The following ANO1 variants were observed in gnomAD, a reference collection of about 807,000 sequenced individuals.
The protein encoded by ANO1 is anoctamin-1.
Under a neutral mutation model 124.0 loss-of-function variants are expected in ANO1, and 59 were observed. That is an observed-to-expected ratio of 0.48 (90% CI 0.39 to 0.59). ANO1 has a LOEUF of 0.59. Ranked by LOEUF, ANO1 falls within the 20% of genes least tolerant of loss-of-function variation. ANO1 has a pLI of 0.00. For synonymous variants in ANO1, 529 were observed against 532.0 expected (o/e 0.99, Z 0.08); for missense variants, 1,059 against 1,328.0 (o/e 0.80, Z 3.15).
intron 11 of ANO1, among the ~76,000 whole-genome samples, chr11:70,136,021 C>T (rs2046943189): frequency 6.6e-6 from 1 of 152,250 alleles, no homozygotes; most frequent in South Asian, 2.1e-4. Context: ...CCCCCCAGAC[C>T]TCCCTCCTTC....
intron 1 of ANO1, among the ~76,000 whole-genome samples, chr11:70,013,003 A>G (rs1393575357): frequency 6.6e-6 from 1 of 152,224 alleles, no homozygotes; most frequent in Non-Finnish European, 1.5e-5. Context: ...AGAGGGGCGC[A>G]ATGAAGGAAA....
intron 1 of ANO1, among the ~76,000 whole-genome samples, chr11:70,018,963 A>T (rs1429349413): frequency 6.6e-5 from 10 of 152,230 alleles, no homozygotes; most frequent in Admixed American, 2.0e-4. Flanking sequence ...ACACACAGTT[A>T]GAGTCCATGG....
chr11:70,125,027 C>T (rs7105606), intron 9 of ANO1, among the ~76,000 whole-genome samples: 25,057 of 152,218 alleles, frequency 0.16, 2,197 homozygotes, highest in Admixed American at 0.25. Flanking sequence ...CACGGAAAAG[C>T]GCCCACCTTC....
intron 1 of ANO1, among the ~76,000 whole-genome samples, chr11:70,067,334 T>G (rs1371794066): frequency 4.0e-5 from 6 of 149,170 alleles, no homozygotes; most frequent in Admixed American, 1.3e-4. Context: ...TTTTTTTTTT[T>G]TTTTTTTTTT....
At chr11:70,035,356 G>A (rs960102089) in intron 1 of ANO1, among the ~76,000 whole-genome samples, 15 of 152,086 alleles carry the variant, frequency 9.9e-5, no homozygotes, top group Admixed American at 2.6e-4. Flanking sequence ...CTGCGCTGGC[G>A]AACTTTTCAC....
chr11:70,085,529 G>T, intron 1 of ANO1: 1 of 1,536,096 alleles, frequency 6.5e-7, no homozygotes, highest in Non-Finnish European at 8.7e-7. Flanking sequence ...ATGCTGACCA[G>T]GCCCTCCCAG....
upstream of ANO1, among the ~76,000 whole-genome samples, chr11:70,077,360 A>G (rs760452288): frequency 6.6e-6 from 1 of 152,174 alleles, no homozygotes; most frequent in African/African-American, 2.4e-5. Context: ...AGGAGGTGCT[A>G]TCTGATGCAC....
chr11:70,101,945 C>A, intron 2 of ANO1, among the ~76,000 whole-genome samples: 1 of 152,200 alleles, frequency 6.6e-6, no homozygotes, highest in Non-Finnish European at 1.5e-5. Context: ...CAGGGAGACT[C>A]GGCACTGTTT....
chr11:70,113,881 C>T (rs1171576080), intron 7 of ANO1, among the ~76,000 whole-genome samples: 1 of 152,144 alleles, frequency 6.6e-6, no homozygotes, highest in Non-Finnish European at 1.5e-5. Flanking sequence ...TTTGGAGGAG[C>T]TGGGGCCAAA....
chr11:70,054,437 A>C (rs1555006605), intron 1 of ANO1, among the ~76,000 whole-genome samples: 1 of 152,204 alleles, frequency 6.6e-6, no homozygotes, highest in Non-Finnish European at 1.5e-5. Context: ...CAGGGTAGTG[A>C]AAGTGGGTGG....
At chr11:70,168,604 A>G (rs2048341527) in intron 21 of ANO1, among the ~76,000 whole-genome samples, 1 of 152,134 alleles carries the variant, frequency 6.6e-6, no homozygotes. Flanking sequence ...TGAATGGATG[A>G]ACAAAGGCAG....
intron 1 of ANO1, among the ~76,000 whole-genome samples, chr11:70,066,630 G>A (rs950936850): frequency 4.0e-5 from 5 of 124,662 alleles, no homozygotes; most frequent in Admixed American, 9.8e-5. Flanking sequence ...ATTTGGTGGC[G>A]GGGGCGGGGT....
chr11:70,113,913 G>A (rs1465448719), intron 7 of ANO1, among the ~76,000 whole-genome samples: 2 of 152,100 alleles, frequency 1.3e-5, no homozygotes, highest in Non-Finnish European at 2.9e-5. Flanking sequence ...GTGACACTCT[G>A]CAACTCCAGT....
chr11:69,987,731 A>G (rs1554997027), intron 1 of ANO1, among the ~76,000 whole-genome samples: 3 of 151,778 alleles, frequency 2.0e-5, no homozygotes, highest in African/African-American at 7.3e-5. Flanking sequence ...TGCTTCTAGG[A>G]CATCTTGAGG....
intron 1 of ANO1, among the ~76,000 whole-genome samples, chr11:70,082,055 C>T (rs1039980757): frequency 2.0e-5 from 3 of 152,326 alleles, no homozygotes; most frequent in East Asian, 1.9e-4. Context: ...ATGTCTTTGT[C>T]GGCATCTCAC....
chr11:69,966,512 G>C, the ANO1 span, among the ~76,000 whole-genome samples: 1 of 152,220 alleles, frequency 6.6e-6, no homozygotes, highest in African/African-American at 2.4e-5. Flanking sequence ...CTGCGTCGCC[G>C]GGTGGGGTGG....
chr11:70,148,706 T>G (rs999416757), intron 11 of ANO1, among the ~76,000 whole-genome samples: 1 of 152,210 alleles, frequency 6.6e-6, no homozygotes, highest in Non-Finnish European at 1.5e-5. Context: ...CATCTCCTTT[T>G]GCAAGCTGTG....
At chr11:70,095,338 GA>G (rs2044850487) in intron 2 of ANO1, among the ~76,000 whole-genome samples, 5 of 101,522 alleles carry the variant, frequency 4.9e-5, no homozygotes, top group African/African-American at 1.2e-4. Flanking sequence ...AGAAAGGAAA[GA>G]GAAAGAAAAA....
chr11:70,075,819 G>A (rs1175305286), upstream of ANO1, among the ~76,000 whole-genome samples: 1 of 152,198 alleles, frequency 6.6e-6, no homozygotes, highest in African/African-American at 2.4e-5. Context: ...GCGGGGACAG[G>A]GAACCAGAGA....
Sources: gnomAD v4.1 joint callset for allele counts (sites outside exome capture counted in the v4.1 genomes callset) on GRCh38, gnomAD v4.1.1 for gene constraint, MANE v1.5 for transcripts, NCBI Gene and HGNC (gene_info 2026-07-23, HGNC 2026-07-21) for gene names.